Variants in RPS6KA2 observed in about 807,000 individuals in gnomAD.
RPS6KA2 encodes ribosomal protein S6 kinase alpha-2.
Under a neutral mutation model 91.8 loss-of-function variants are expected in RPS6KA2, and 42 were observed. The ratio of observed to expected loss-of-function variants is 0.46; its 90% CI spans 0.36 to 0.59. The LOEUF (loss-of-function observed/expected upper bound fraction) is 0.59, where lower values mean the gene tolerates loss of function less well. Ranked by LOEUF, RPS6KA2 falls within the 20% of genes least tolerant of loss-of-function variation. The pLI, the probability that RPS6KA2 is intolerant of heterozygous loss-of-function variation, is 0.00. For synonymous variants in RPS6KA2, 414 were observed against 393.6 expected (o/e 1.05, Z -0.61); for missense variants, 798 against 978.5 (o/e 0.82, Z 2.46).
chr6:166,848,225 A>G (rs577190722), intron 2 of RPS6KA2, among the ~76,000 whole-genome samples: 1 of 152,344 alleles, frequency 6.6e-6, no homozygotes, highest in South Asian at 2.1e-4. Flanking sequence ...TCACTCCTGC[A>G]ATAATGCCCA....
intron 2 of RPS6KA2, among the ~76,000 whole-genome samples, chr6:166,731,439 A>C (rs1222138221): frequency 7.0e-6 from 1 of 142,708 alleles, no homozygotes; most frequent in Non-Finnish European, 1.5e-5. Context: ...TATGATTAAA[A>C]GGGGGAAGGA....
At chr6:166,857,870 G>A (rs1267142593) in intron 2 of RPS6KA2, among the ~76,000 whole-genome samples, 2 of 152,184 alleles carry the variant, frequency 1.3e-5, no homozygotes, top group Admixed American at 6.5e-5. Flanking sequence ...TTCCATGCCA[G>A]CTGGTTACTC....
rs1177613811 is a variant in RPS6KA2, at chr6:166,533,836, C to T, written c.217-2523G>A. On this transcript the variant is annotated intron_variant, in intron 2 of 20. Transcript: ENST00000265678. The surrounding 1 kb of genome is among the most constrained non-coding windows in gnomAD (Gnocchi z 4.0). The stretch of plus-strand genomic sequence containing the variant: ...AGTGGCTCACACCTGTAATCCAGCA[C>T]ATTGGGAGGCTGAGACAGAAGGATC... Among the ~76,000 whole-genome samples the T allele has an allele frequency of 6.6e-6, 1 of 152,168 alleles. No individual in the cohort carries two copies. The highest frequency in any genetic ancestry group is 2.4e-5 in the African/African-American group (1 of 41,432).
chr6:166,619,196 A>T (rs1425388364), intron 1 of RPS6KA2, among the ~76,000 whole-genome samples: 1 of 152,208 alleles, frequency 6.6e-6, no homozygotes, highest in Non-Finnish European at 1.5e-5. Context: ...GTTAAGATCT[A>T]GAAATAAGAG....
At chr6:166,669,512 G>A (rs187156599) in intron 2 of RPS6KA2, among the ~76,000 whole-genome samples, 14 of 152,254 alleles carry the variant, frequency 9.2e-5, no homozygotes, top group Middle Eastern at 3.4e-3. Flanking sequence ...GTCCTACTGC[G>A]TTTTCATGAT....
At chr6:166,535,322 G>C (rs146343783) in intron 2 of RPS6KA2, among the ~76,000 whole-genome samples, 1 of 152,224 alleles carries the variant, frequency 6.6e-6, no homozygotes, top group East Asian at 1.9e-4. Flanking sequence ...TTTCTATTGG[G>C]CTGCAAAATC....
intron 1 of RPS6KA2, among the ~76,000 whole-genome samples, chr6:166,571,775 C>T (rs1180987740): frequency 6.6e-6 from 1 of 151,748 alleles, no homozygotes; most frequent in Non-Finnish European, 1.5e-5. Flanking sequence ...CTGACAAATG[C>T]CAGTGTGAGC....
chr6:166,789,885 A>G (rs1779036946), intron 2 of RPS6KA2, among the ~76,000 whole-genome samples: 1 of 152,226 alleles, frequency 6.6e-6, no homozygotes, highest in Admixed American at 6.5e-5. Context: ...TCAAAGACCA[A>G]AAGTAGATAA....
chr6:166,752,283 C>T (rs763607565), intron 2 of RPS6KA2, among the ~76,000 whole-genome samples: 1 of 152,164 alleles, frequency 6.6e-6, no homozygotes, highest in Middle Eastern at 3.2e-3. Context: ...GCCTCTGAAA[C>T]GTAGGGCTGT....
At chr6:166,512,630 G>A (rs1782509558) in intron 3 of RPS6KA2, among the ~76,000 whole-genome samples, 1 of 152,152 alleles carries the variant, frequency 6.6e-6, no homozygotes, top group Non-Finnish European at 1.5e-5. Flanking sequence ...CTGTAATACT[G>A]TCTCCGGGGG....
intron 19 of RPS6KA2, among the ~76,000 whole-genome samples, chr6:166,416,887 G>A (rs965440890): frequency 3.3e-5 from 5 of 151,308 alleles, no homozygotes; most frequent in African/African-American, 7.3e-5. Context: ...CATCATTCCC[G>A]CCATTACCTC....
intron 2 of RPS6KA2, among the ~76,000 whole-genome samples, chr6:166,667,782 C>T (rs970888106): frequency 2.6e-5 from 4 of 152,138 alleles, no homozygotes; most frequent in South Asian, 2.1e-4. Flanking sequence ...TACAGCTAGG[C>T]GTTTTGAATG....
intron 2 of RPS6KA2, chr6:166,702,789 G>T: frequency 9.1e-7 from 1 of 1,095,052 alleles, no homozygotes; most frequent in Non-Finnish European, 1.4e-6. Context: ...TACCTTCTAG[G>T]TCCAAGGGGG....
intron 2 of RPS6KA2, among the ~76,000 whole-genome samples, chr6:166,663,328 G>A (rs1035489310): frequency 6.6e-6 from 1 of 152,128 alleles, no homozygotes; most frequent in East Asian, 1.9e-4. Context: ...GCTCCCAGGA[G>A]GGCAGAAAAA....
chr6:166,702,006 C>T, intron 2 of RPS6KA2: 3 of 1,020,996 alleles, frequency 2.9e-6, no homozygotes, highest in Non-Finnish European at 4.7e-6. Flanking sequence ...GGGATCTCTT[C>T]TGTGAATTTT....
At chr6:166,734,122 G>A (rs1385474733) in intron 2 of RPS6KA2, among the ~76,000 whole-genome samples, 1 of 152,230 alleles carries the variant, frequency 6.6e-6, no homozygotes, top group Non-Finnish European at 1.5e-5. Flanking sequence ...CAGGCCCTGA[G>A]GGGAGAGAGG....
intron 2 of RPS6KA2, among the ~76,000 whole-genome samples, chr6:166,790,866 C>G (rs1779065437): frequency 6.6e-6 from 1 of 151,934 alleles, no homozygotes; most frequent in African/African-American, 2.4e-5. Flanking sequence ...GAAGGAAGCA[C>G]TAAACATGGA....
At chr6:166,461,623 A>G (rs2281048) in intron 11 of RPS6KA2, among the ~76,000 whole-genome samples, 23,034 of 149,772 alleles carry the variant, frequency 0.15, 2,051 homozygotes, top group Middle Eastern at 0.26. Context: ...GAGAGAGAGC[A>G]CGCACTAGCT....
intron 2 of RPS6KA2, among the ~76,000 whole-genome samples, chr6:166,663,469 C>T (rs1277718414): frequency 2.6e-5 from 4 of 152,186 alleles, no homozygotes; most frequent in Non-Finnish European, 4.4e-5. Context: ...TTCTCCACCA[C>T]GGCCAAGGAG....
Sources: allele counts gnomAD v4.1 joint callset (sites outside exome capture counted in the v4.1 genomes callset), GRCh38; gene constraint gnomAD v4.1.1; non-coding constraint Gnocchi (gnomAD v3.1); transcripts MANE v1.5; gene names NCBI Gene and HGNC (gene_info 2026-07-23, HGNC 2026-07-21).